R3HDM1: variants seen among roughly 807,000 people sequenced by gnomAD.
R3HDM1 encodes the protein R3H domain containing 1.
A neutral mutation model predicts 141.1 loss-of-function variants in R3HDM1; 46 were observed. That is an observed-to-expected ratio of 0.33 (90% CI 0.26 to 0.42). The LOEUF is 0.42. Among genes scored for constraint, R3HDM1 ranks in the 10% least tolerant of loss-of-function variants. The pLI, the probability that R3HDM1 is intolerant of heterozygous loss-of-function variation, is 1.00. For synonymous variants in R3HDM1, 435 were observed against 472.9 expected (o/e 0.92, Z 1.04); for missense variants, 1,184 against 1,368.3 (o/e 0.87, Z 2.12).
intron 19 of R3HDM1, among the ~76,000 whole-genome samples, chr2:135,668,720 CA>C (rs1207103091): frequency 1.3e-5 from 2 of 152,210 alleles, no homozygotes; most frequent in Admixed American, 1.3e-4. Flanking sequence ...GCTCTCCTTG[CA>C]CAAAATGTGT....
rs1359779714 is a variant in R3HDM1, at chr2:135,641,854, A to G, written c.1474+64A>G. 1.3e-5 allele frequency: 19 copies of G among 1,459,126 alleles called. No individual in the cohort carries two copies. In the East Asian group the frequency reaches 4.4e-4, roughly 34 times the overall value. The allele number at this position is 1,459,126 out of a possible 1,614,324, so 90.4% of individuals were successfully genotyped here. A position where few individuals can be genotyped will look rare whatever the true frequency, so the allele number is the denominator to read the frequency against. On this transcript the variant is annotated intron_variant, in intron 15 of 26. Coordinates refer to ENST00000683871, the MANE Select transcript of R3HDM1 (RefSeq NM_001378107.1). ...AAATTTAAGGATACTTATTAAATGTATTTTCTGAATATGTGTAGTCAGCTT... is the reference window on the plus strand; with the variant it reads ...AAATTTAAGGATACTTATTAAATGTGTTTTCTGAATATGTGTAGTCAGCTT...
intron 16 of R3HDM1, among the ~76,000 whole-genome samples, chr2:135,647,320 T>A (rs2064578970): frequency 6.6e-6 from 1 of 152,238 alleles, no homozygotes; most frequent in African/African-American, 2.4e-5. Flanking sequence ...GTCTTTGCAG[T>A]GCCATGTATT....
At chr2:135,589,858 G>T (rs1708840793) in intron 1 of R3HDM1, among the ~76,000 whole-genome samples, 1 of 151,762 alleles carries the variant, frequency 6.6e-6, no homozygotes, top group African/African-American at 2.4e-5. Flanking sequence ...TAATATATAT[G>T]ATGCAAATCT....
At chr2:135,669,264 T>G in intron 19 of R3HDM1, 1 of 985,406 alleles carries the variant, frequency 1.0e-6, no homozygotes, top group Non-Finnish European at 1.2e-6. Flanking sequence ...TGTGGGCTAA[T>G]CATATGCTTA....
At chr2:135,582,964 A>G (rs1707140683) in intron 1 of R3HDM1, among the ~76,000 whole-genome samples, 1 of 152,238 alleles carries the variant, frequency 6.6e-6, no homozygotes, top group Admixed American at 6.5e-5. Context: ...AAAGTTATAA[A>G]ATAGACACAC....
intron 1 of R3HDM1, among the ~76,000 whole-genome samples, chr2:135,567,270 A>G (rs1171808241): frequency 3.9e-5 from 6 of 152,166 alleles, no homozygotes; most frequent in African/African-American, 1.4e-4. Context: ...GCCCAATATA[A>G]TTAATTGGTA....
intron 24 of R3HDM1, among the ~76,000 whole-genome samples, chr2:135,719,299 C>G (rs769554201): frequency 3.0e-4 from 46 of 151,852 alleles, no homozygotes; most frequent in Admixed American, 8.5e-4. Flanking sequence ...GTACTGCTGA[C>G]TATAATCTTA....
intron 1 of R3HDM1, among the ~76,000 whole-genome samples, chr2:135,564,111 C>T (rs1160025720): frequency 6.6e-6 from 1 of 152,166 alleles, no homozygotes; most frequent in African/African-American, 2.4e-5. Flanking sequence ...CACCAGGTCT[C>T]ACCTCCAACA....
intron 21 of R3HDM1, among the ~76,000 whole-genome samples, chr2:135,694,824 T>C (rs183250067): frequency 1.3e-3 from 194 of 152,192 alleles, no homozygotes; most frequent in African/African-American, 4.3e-3. Flanking sequence ...GGTGCATATG[T>C]TTGCAAACAC....
At chr2:135,671,064 T>C (rs1002670843) in intron 19 of R3HDM1, among the ~76,000 whole-genome samples, 1 of 151,142 alleles carries the variant, frequency 6.6e-6, no homozygotes, top group African/African-American at 2.4e-5. Context: ...TCTCAAAAAA[T>C]AATAGTAAGT....
intron 21 of R3HDM1, among the ~76,000 whole-genome samples, chr2:135,699,758 C>G (rs1455286582): frequency 6.6e-6 from 1 of 152,138 alleles, no homozygotes; most frequent in Non-Finnish European, 1.5e-5. Flanking sequence ...TTATATAGAA[C>G]ATTTTTATCA....
intron 19 of R3HDM1, among the ~76,000 whole-genome samples, chr2:135,672,681 A>G (rs1288987685): frequency 6.6e-6 from 1 of 152,132 alleles, no homozygotes; most frequent in Non-Finnish European, 1.5e-5. Context: ...CAACTGTTTT[A>G]TATTTCATGT....
rs1028710637 is a variant in R3HDM1 at position 135,634,915 on chromosome 2, A to G, written c.699-975A>G. ...GAGTATTGATTCAATTAATTTGTTG[A>G]AGCTGAGAATGTATTTTGGGAGGTG... On this transcript the variant is annotated intron_variant, in intron 9 of 26. Coordinates refer to ENST00000683871, the MANE Select transcript of R3HDM1 (RefSeq NM_001378107.1). Among the ~76,000 whole-genome samples the G allele has an allele frequency of 3.9e-5, 6 of 152,142 alleles. 1 individual carries two copies. In the South Asian group the frequency reaches 1.0e-3, roughly 26 times the overall value.
intron 1 of R3HDM1, among the ~76,000 whole-genome samples, chr2:135,589,506 A>G (rs989903001): frequency 1.3e-5 from 2 of 151,948 alleles, no homozygotes; most frequent in Admixed American, 6.6e-5. Context: ...CAGCTGACCA[A>G]CCCTCCTTCT....
Position 135,604,895 on chromosome 2 carries a change from A to C in R3HDM1, c.50A>C (p.Lys17Thr). The change falls in exon 3 of 27, where the codon AAG becomes ACG. Residue 17 changes from lysine to threonine, a missense_variant. Around this residue, in one of 5 missense-constraint regions of R3HDM1, gnomAD observed 192 missense variants for 215.7 expected, o/e 0.89. Transcript: ENST00000683871. Reference sequence around the variant, plus strand: ...GTAAAAGATGAAACTGCAACAATGAAGGATTTGGAGGCAGAAGTGAAAGAT... The same window carrying C: ...GTAAAAGATGAAACTGCAACAATGACGGATTTGGAGGCAGAAGTGAAAGAT... ...VTVKDETATM[K>T]DLEAEVKDTT... 1 of 1,610,800 alleles carries C rather than the reference A, an allele frequency of 6.2e-7. No individual in the cohort carries two copies. The highest frequency in any genetic ancestry group is 8.5e-7 in the Non-Finnish European group (1 of 1,177,270).
Position 135,599,576 on chromosome 2 carries a change from C to A in R3HDM1, c.-249-2924C>A, listed in dbSNP as rs190527470. On this transcript the variant is annotated intron_variant, in intron 1 of 26. Transcript: ENST00000683871. ...TGTGCCATGTCTATCTTGTAGCTTTCTATACTTGACACCCACGTGCCCACA... is the reference window on the plus strand; with the variant it reads ...TGTGCCATGTCTATCTTGTAGCTTTATATACTTGACACCCACGTGCCCACA... Among the ~76,000 whole-genome samples the A allele has an allele frequency of 4.5e-4, 68 of 152,226 alleles. No individual in the cohort carries two copies. The East Asian group carries it at 0.013, about 29-fold the overall frequency.
intron 3 of R3HDM1, among the ~76,000 whole-genome samples, chr2:135,612,376 A>G (rs2060626981): frequency 6.6e-6 from 1 of 152,222 alleles, no homozygotes; most frequent in African/African-American, 2.4e-5. Flanking sequence ...TATTAATTAC[A>G]AAGAGAAAAT....
chr2:135,626,269 A>G (rs1461566651), intron 7 of R3HDM1, among the ~76,000 whole-genome samples: 1 of 139,286 alleles, frequency 7.2e-6, no homozygotes, highest in Non-Finnish European at 1.5e-5. Flanking sequence ...AAATCTCCAC[A>G]TATTTTGGGT....
intron 24 of R3HDM1, 75 bp from the exon 25 acceptor site, chr2:135,721,849 A>G (rs1575276300): frequency 2.2e-6 from 3 of 1,341,402 alleles, no homozygotes; most frequent in African/African-American, 1.4e-5. Context: ...CAGCCTCCCA[A>G]ATTGCTAGGA....
Sources: gnomAD v4.1 joint callset for allele counts (sites outside exome capture counted in the v4.1 genomes callset) on GRCh38, gnomAD v4.1.1 for gene constraint, gnomAD v4.1.1 regional missense constraint, MANE v1.5 for transcripts, NCBI Gene and HGNC (gene_info 2026-07-23, HGNC 2026-07-21) for gene names.